ESR1: variants seen among roughly 807,000 people sequenced by gnomAD.
ESR1 encodes estrogen receptor.
ESR1 carries 12 observed loss-of-function variants against 52.7 expected under a neutral mutation model. That is an observed-to-expected ratio of 0.23 (90% CI 0.15 to 0.37). ESR1 has a LOEUF of 0.37. Among genes scored for constraint, ESR1 ranks in the 10% least tolerant of loss-of-function variants. The probability of loss-of-function intolerance (pLI) is 1.00; values close to 1 mark genes in which losing one functional copy is unlikely to be tolerated. For missense variants in ESR1, 584 were observed against 779.7 expected, an observed-to-expected ratio of 0.75 and a Z score of 2.99; for synonymous variants, 305 against 316.8, an observed-to-expected ratio of 0.96 and a Z score of 0.39.
intron 1 of ESR1, among the ~76,000 whole-genome samples, chr6:151,681,740 G>C (rs1189402597): frequency 6.6e-6 from 1 of 152,138 alleles, no homozygotes; most frequent in African/African-American, 2.4e-5. Context: ...CAAGGGATCC[G>C]GTCGCTTTGT....
At chr6:152,015,405 T>C (rs2043096272) in intron 5 of ESR1, among the ~76,000 whole-genome samples, 1 of 152,230 alleles carries the variant, frequency 6.6e-6, no homozygotes, top group Non-Finnish European at 1.5e-5. Context: ...GTTTCCATTG[T>C]AGTTGGTTTG....
At chr6:151,736,856 T>C (rs1449145679) in intron 2 of ESR1, among the ~76,000 whole-genome samples, 1 of 152,156 alleles carries the variant, frequency 6.6e-6, no homozygotes, top group Non-Finnish European at 1.5e-5. Context: ...TTCGGCACGC[T>C]GGCTCCTGAG....
intron 4 of ESR1, among the ~76,000 whole-genome samples, chr6:151,995,597 T>G (rs2041412432): frequency 1.3e-5 from 2 of 152,232 alleles, no homozygotes; most frequent in Admixed American, 6.5e-5. Context: ...CATTGTGTCC[T>G]TAATTTCTAT....
At chr6:152,108,038 T>G (rs1417793795), downstream of ESR1, among the ~76,000 whole-genome samples, 1 of 152,222 alleles carries the variant, frequency 6.6e-6, no homozygotes, top group Non-Finnish European at 1.5e-5. Flanking sequence ...TTTTCAACTC[T>G]GACTCAATTT....
At position 151,819,441 on chromosome 6, in the gene ESR1, A is replaced by G. The variant is rs190930099; in HGVS notation, c.452+11077A>G. Among the ~76,000 whole-genome samples, 454 of 152,322 alleles carry G rather than the reference A, an allele frequency of 3.0e-3. 1 individual carries two copies. Among genetic ancestry groups the G allele is most frequent in the Non-Finnish European group, 5.1e-3 (346 of 68,016 alleles). ...CAAGTGATGCTTCATCTGTATTTAC[A>G]GCTGCTCCCCATCGCTTGCATTATG... On this transcript the variant is annotated intron_variant, in intron 1 of 7. Transcript: ENST00000206249.
At chr6:151,847,236 C>G (rs1023634324) in intron 2 of ESR1, among the ~76,000 whole-genome samples, 1 of 152,176 alleles carries the variant, frequency 6.6e-6, no homozygotes, top group Non-Finnish European at 1.5e-5. Flanking sequence ...CCTTAGAAAG[C>G]TTCAGGGTGA....
intron 3 of ESR1, among the ~76,000 whole-genome samples, chr6:151,896,241 T>C (rs549712231): frequency 2.0e-5 from 3 of 152,208 alleles, no homozygotes; most frequent in Non-Finnish European, 4.4e-5. Flanking sequence ...TCTTGTGGAA[T>C]AGTGTCAATA....
At chr6:152,118,584 A>G (rs554775527) in intron 6 of ESR1, among the ~76,000 whole-genome samples, 42 of 131,450 alleles carry the variant, frequency 3.2e-4, no homozygotes, top group African/African-American at 1.1e-3. Flanking sequence ...AGCACCACAC[A>G]CTGGGGCCTG....
At chr6:152,065,390 AT>A (rs1361173586) in intron 6 of ESR1, among the ~76,000 whole-genome samples, 2 of 152,154 alleles carry the variant, frequency 1.3e-5, no homozygotes, top group African/African-American at 4.8e-5. Flanking sequence ...ACCCCTGAGA[AT>A]CCACCTCTAT....
At chr6:151,951,046 T>A (rs980970896) in intron 4 of ESR1, among the ~76,000 whole-genome samples, 21 of 152,212 alleles carry the variant, frequency 1.4e-4, no homozygotes, top group Admixed American at 6.5e-5. Context: ...AGAAGTTGAT[T>A]TATAATTGTA....
intron 1 of ESR1, among the ~76,000 whole-genome samples, chr6:151,836,635 T>G (rs904515595): frequency 6.6e-6 from 1 of 152,186 alleles, no homozygotes; most frequent in Admixed American, 6.5e-5. Flanking sequence ...CTTGCCTTCT[T>G]GGAGTTTACT....
At chr6:152,068,371 T>A (rs1322565774) in intron 6 of ESR1, among the ~76,000 whole-genome samples, 2 of 152,214 alleles carry the variant, frequency 1.3e-5, no homozygotes, top group East Asian at 3.9e-4. Flanking sequence ...AGTTCAGGGT[T>A]CCATGGATTA....
At chr6:151,760,712 C>T (rs576181896) in intron 2 of ESR1, among the ~76,000 whole-genome samples, 3 of 152,328 alleles carry the variant, frequency 2.0e-5, no homozygotes, top group African/African-American at 4.8e-5. Flanking sequence ...TCTTCCCCAT[C>T]GCAACCCATG....
At chr6:151,683,864 ATTTTTTTTTTT>A (rs66983259) in intron 1 of ESR1, among the ~76,000 whole-genome samples, 3 of 118,476 alleles carry the variant, frequency 2.5e-5, no homozygotes, top group Non-Finnish European at 5.1e-5. Context: ...ACGTCTGGCT[ATTTTTTTTTTT>A]TTTTTTTTTG....
At chr6:151,876,184 G>A (rs1194505351) in intron 2 of ESR1, among the ~76,000 whole-genome samples, 1 of 152,160 alleles carries the variant, frequency 6.6e-6, no homozygotes, top group Non-Finnish European at 1.5e-5. Context: ...CTAGAATAAT[G>A]CCCATGTTTC....
chr6:151,786,717 AG>A (rs1787063560), intron 2 of ESR1, among the ~76,000 whole-genome samples: 1 of 152,034 alleles, frequency 6.6e-6, no homozygotes, highest in South Asian at 2.1e-4. Flanking sequence ...GTCCTTGAAA[AG>A]AAAAAAAATA....
At chr6:152,120,818 T>C (rs1291064829) in intron 6 of ESR1, among the ~76,000 whole-genome samples, 1 of 152,158 alleles carries the variant, frequency 6.6e-6, no homozygotes, top group East Asian at 1.9e-4. Context: ...TCAGACTACC[T>C]GCATTATGGA....
At chr6:152,113,379 CG>C (rs1307574321) in intron 6 of ESR1, among the ~76,000 whole-genome samples, 1 of 152,074 alleles carries the variant, frequency 6.6e-6, no homozygotes, top group Non-Finnish European at 1.5e-5. Flanking sequence ...CTGCATGGGG[CG>C]GGGGGCACCT....
intron 2 of ESR1, among the ~76,000 whole-genome samples, chr6:151,721,491 T>C (rs987490201): frequency 4.6e-5 from 7 of 152,302 alleles, no homozygotes; most frequent in African/African-American, 9.6e-5. Flanking sequence ...TAGAAGAGGA[T>C]AGGGCCATGT....
Sources: allele counts gnomAD v4.1 joint callset (sites outside exome capture counted in the v4.1 genomes callset), GRCh38; gene constraint gnomAD v4.1.1; transcripts MANE v1.5; gene names NCBI Gene and HGNC (gene_info 2026-07-23, HGNC 2026-07-21).